The following DPP10 variants were observed in gnomAD, a reference collection of about 807,000 sequenced individuals.
DPP10 encodes inactive dipeptidyl peptidase 10.
In DPP10, 33 loss-of-function variants were observed where a neutral mutation model predicts 120.9. The observed-to-expected ratio is 0.27, with a 90% CI of 0.21 to 0.37. The LOEUF is 0.37. DPP10 is among the 10% of genes least tolerant of loss of function. The pLI is 1.00. For synonymous variants in DPP10, 337 were observed against 326.1 expected (o/e 1.03, Z -0.36); for missense variants, 816 against 942.8 (o/e 0.87, Z 1.76).
chr2:115,782,190 C>T (rs540323621), intron 16 of DPP10, among the ~76,000 whole-genome samples, 162 bp from the exon 17 acceptor site: 6 of 152,034 alleles, frequency 3.9e-5, no homozygotes, highest in Non-Finnish European at 7.4e-5. Flanking sequence ...CTGAATAAAA[C>T]GCTTATAAAT....
intron 3 of DPP10, among the ~76,000 whole-genome samples, chr2:115,433,566 A>G (rs1254079622): frequency 6.6e-6 from 1 of 151,988 alleles, no homozygotes; most frequent in Non-Finnish European, 1.5e-5. Context: ...TCTCTGTGTG[A>G]CACAGTTTTT....
chr2:115,121,492 C>T (rs2049821706), intron 1 of DPP10, among the ~76,000 whole-genome samples: 1 of 151,406 alleles, frequency 6.6e-6, no homozygotes, highest in African/African-American at 2.4e-5. Flanking sequence ...AGCTGGAACC[C>T]CTTCAGTTTA....
At chr2:114,508,416 GTAA>G (rs1683859120) in intron 1 of DPP10, among the ~76,000 whole-genome samples, 1 of 152,106 alleles carries the variant, frequency 6.6e-6, no homozygotes, top group South Asian at 2.1e-4. Context: ...CATGTTAAGT[GTAA>G]TAATATTTTG....
At chr2:115,247,122 A>G (rs958969232) in intron 1 of DPP10, among the ~76,000 whole-genome samples, 1 of 152,164 alleles carries the variant, frequency 6.6e-6, no homozygotes, top group African/African-American at 2.4e-5. Context: ...ACAGAGAGGA[A>G]GACATTTTTG....
chr2:115,492,605 T>G (rs1403332714), intron 3 of DPP10, among the ~76,000 whole-genome samples: 1 of 152,160 alleles, frequency 6.6e-6, no homozygotes, highest in East Asian at 1.9e-4. Context: ...AGAAGGTTAT[T>G]TGCAACTTCA....
At chr2:115,716,026 G>A (rs1198464725) in intron 7 of DPP10, among the ~76,000 whole-genome samples, 1 of 152,174 alleles carries the variant, frequency 6.6e-6, no homozygotes, top group Non-Finnish European at 1.5e-5. Flanking sequence ...CACTAAGGCG[G>A]AAGCTGCCTT....
intron 5 of DPP10, among the ~76,000 whole-genome samples, chr2:115,653,963 T>C (rs2149385910): frequency 6.6e-6 from 1 of 152,052 alleles, no homozygotes; most frequent in East Asian, 1.9e-4. Context: ...ATAAGACTAT[T>C]TTACTCAGTT....
chr2:115,540,279 T>G (rs1174663529), intron 5 of DPP10, among the ~76,000 whole-genome samples: 1 of 151,940 alleles, frequency 6.6e-6, no homozygotes, highest in African/African-American at 2.4e-5. Flanking sequence ...TACTTAAACT[T>G]CATGATGTTT....
chr2:114,583,949 G>T (rs1260144850), intron 1 of DPP10, among the ~76,000 whole-genome samples: 2 of 151,908 alleles, frequency 1.3e-5, no homozygotes, highest in African/African-American at 4.8e-5. Context: ...AAATATTTTT[G>T]AAGCAAAAGT....
intron 2 of DPP10, among the ~76,000 whole-genome samples, chr2:115,315,721 G>A (rs769031934): frequency 6.6e-6 from 1 of 152,088 alleles, no homozygotes; most frequent in Non-Finnish European, 1.5e-5. Context: ...ATAGTCTAAT[G>A]TGTCTCTGCT....
At chr2:115,133,352 A>G (rs775539470) in intron 1 of DPP10, among the ~76,000 whole-genome samples, 3 of 151,440 alleles carry the variant, frequency 2.0e-5, no homozygotes, top group African/African-American at 4.9e-5. Flanking sequence ...GGCCAGGAAC[A>G]TTTCTGTTTA....
intron 3 of DPP10, among the ~76,000 whole-genome samples, chr2:115,436,010 G>A (rs1307622751): frequency 6.6e-6 from 1 of 151,774 alleles, no homozygotes. Flanking sequence ...ATTTTTCTGT[G>A]AGTAAAAGCA....
intron 3 of DPP10, among the ~76,000 whole-genome samples, chr2:115,391,630 A>T (rs1343796153): frequency 6.6e-6 from 1 of 152,030 alleles, no homozygotes; most frequent in South Asian, 2.1e-4. Flanking sequence ...AATATAAAAT[A>T]AAAAAGATGT....
At chr2:114,862,322 A>G (rs1364481429) in intron 1 of DPP10, among the ~76,000 whole-genome samples, 2 of 152,222 alleles carry the variant, frequency 1.3e-5, no homozygotes, top group Non-Finnish European at 2.9e-5. Context: ...CATATAAGAT[A>G]AAAGAAAATT....
At chr2:114,812,491 G>C (rs545510312) in intron 1 of DPP10, among the ~76,000 whole-genome samples, 1 of 151,702 alleles carries the variant, frequency 6.6e-6, no homozygotes, top group Non-Finnish European at 1.5e-5. Context: ...AGGATGCTAA[G>C]GTGGGAGGAT....
chr2:115,763,023 T>C (rs1680297842), intron 12 of DPP10, among the ~76,000 whole-genome samples: 1 of 152,180 alleles, frequency 6.6e-6, no homozygotes, highest in African/African-American at 2.4e-5. Flanking sequence ...GTATTCTAGC[T>C]CACAATTCTA....
chr2:115,513,853 T>C (rs1575064931), intron 4 of DPP10, among the ~76,000 whole-genome samples: 1 of 152,030 alleles, frequency 6.6e-6, no homozygotes, highest in East Asian at 1.9e-4. Flanking sequence ...TTTTACTAGG[T>C]CATTTTGTGT....
At chr2:115,609,581 CT>C (rs1448854986) in intron 5 of DPP10, among the ~76,000 whole-genome samples, 3 of 152,038 alleles carry the variant, frequency 2.0e-5, no homozygotes, top group Non-Finnish European at 2.9e-5. Context: ...AAATACCTCT[CT>C]TCTCCCCCAC....
At chr2:115,256,184 C>T (rs932005202) in intron 1 of DPP10, among the ~76,000 whole-genome samples, 12 of 152,134 alleles carry the variant, frequency 7.9e-5, no homozygotes, top group Admixed American at 6.5e-5. Flanking sequence ...GAAGCAAACA[C>T]GTCTTTCTTC....
Sources: allele counts gnomAD v4.1 joint callset (sites outside exome capture counted in the v4.1 genomes callset), GRCh38; gene constraint gnomAD v4.1.1; transcripts MANE v1.5; gene names NCBI Gene and HGNC (gene_info 2026-07-23, HGNC 2026-07-21).